The following PRKACB variants were observed in gnomAD, a reference collection of about 807,000 sequenced individuals.
PRKACB encodes the protein cAMP-dependent protein kinase catalytic subunit beta.
A neutral mutation model predicts 51.4 loss-of-function variants in PRKACB; 16 were observed. The observed-to-expected ratio is 0.31, with a 90% CI of 0.21 to 0.47. The LOEUF is 0.47. Among genes scored for constraint, PRKACB ranks in the 20% least tolerant of loss-of-function variants. The pLI is 1.00. For missense variants in PRKACB, 309 were observed against 464.5 expected, an observed-to-expected ratio of 0.67 and a Z score of 3.08; for synonymous variants, 147 against 154.4, an observed-to-expected ratio of 0.95 and a Z score of 0.35.
At chr1:84,139,591 G>A (rs1453511633), upstream of PRKACB, among the ~76,000 whole-genome samples, 1 of 152,158 alleles carries the variant, frequency 6.6e-6, no homozygotes, top group Non-Finnish European at 1.5e-5. Flanking sequence ...AGTAAATGAA[G>A]AGACATGCTA....
Position 84,179,166 on chromosome 1 carries a change from T to C in PRKACB, c.188-11T>C, listed in dbSNP as rs769971832. On this transcript the variant is annotated splice_polypyrimidine_tract_variant and intron_variant, in intron 1 of 9. Coordinates refer to ENST00000370685, the MANE Select transcript of PRKACB (RefSeq NM_182948.4). ...TACAAGATAAATTTGTTTTTATATG[T>C]ATATTTTCAGTGAAAGAGTTTCTAG... is the stretch of plus-strand genomic sequence containing the variant. 15 of 1,583,634 alleles carry C rather than the reference T, an allele frequency of 9.5e-6. No homozygotes were observed. Among genetic ancestry groups the C allele is most frequent in the Non-Finnish European group, 1.3e-5 (15 of 1,164,442 alleles).
At position 84,236,181 on chromosome 1, in the gene PRKACB, T is replaced by A. The variant is rs778570616; in HGVS notation, c.*876T>A. On this transcript the variant is annotated 3_prime_UTR_variant, in exon 10 of 10. Transcript: ENST00000370685. ...TAGCCAGTATTTTAATAGAACATGATTAATGAAAGTGACAAATTTTAAATT... is the reference window on the plus strand; with the variant it reads ...TAGCCAGTATTTTAATAGAACATGAATAATGAAAGTGACAAATTTTAAATT... 43 of 152,618 alleles carry A rather than the reference T, an allele frequency of 2.8e-4. No homozygotes were observed. The highest frequency in any genetic ancestry group is 5.9e-4 in the Admixed American group (9 of 15,278). The allele number at this position is 152,618 out of a possible 1,614,324, so 9.5% of individuals were successfully genotyped here.
intron 1 of PRKACB, among the ~76,000 whole-genome samples, chr1:84,083,017 T>G (rs993926266): frequency 6.6e-6 from 1 of 152,246 alleles, no homozygotes; most frequent in African/African-American, 2.4e-5. Flanking sequence ...GTTTAATTTA[T>G]TAACTACAAA....
intron 1 of PRKACB, among the ~76,000 whole-genome samples, chr1:84,151,154 C>A (rs1424137404): frequency 1.3e-5 from 2 of 152,162 alleles, no homozygotes; most frequent in Admixed American, 1.3e-4. Context: ...CAGACCACCA[C>A]AATACAACTA....
rs578134608 is a variant in PRKACB at position 84,137,078 on chromosome 1, T to G, written c.47-42099T>G. 2.0e-5 allele frequency among the ~76,000 whole-genome samples: 3 copies of G among 152,244 alleles called. No individual in the cohort carries two copies. In the East Asian group the frequency reaches 5.8e-4, roughly 29 times the overall value. On this transcript the variant is annotated intron_variant, in intron 1 of 8. Transcript: ENST00000370688. The stretch of plus-strand genomic sequence containing the variant: ...GTTCCTCTTCACCTTCTGGGGTGAT[T>G]GTAAGTTTCCCGAGGCCTACCCAGC...
intron 7 of PRKACB, among the ~76,000 whole-genome samples, 199 bp downstream of exon 7, chr1:84,198,023 C>T (rs1243810370): frequency 6.6e-6 from 1 of 152,042 alleles, no homozygotes; most frequent in African/African-American, 2.4e-5. Context: ...TCAATTTTAA[C>T]TCTGGGTCTT....
At chr1:84,167,513 C>G (rs1432468414) in intron 1 of PRKACB, among the ~76,000 whole-genome samples, 1 of 151,372 alleles carries the variant, frequency 6.6e-6, no homozygotes, top group East Asian at 1.9e-4. Context: ...CTCTGTACTC[C>G]CAAAGCAAAC....
At chr1:84,143,222 T>G (rs1032462343), upstream of PRKACB, among the ~76,000 whole-genome samples, 5 of 152,070 alleles carry the variant, frequency 3.3e-5, no homozygotes, top group Non-Finnish European at 7.4e-5. Flanking sequence ...AAGGCGGGCG[T>G]ATCGCTTGAG....
intron 9 of PRKACB, 56 bp from the exon 10 acceptor site, chr1:84,235,124 A>G: frequency 6.5e-7 from 1 of 1,544,642 alleles, no homozygotes; most frequent in Non-Finnish European, 8.8e-7. Context: ...GGTGTTTGGA[A>G]ACTCTCAGGA....
At chr1:84,196,049 T>A (rs688778) in intron 5 of PRKACB, among the ~76,000 whole-genome samples, 152,180 of 152,368 alleles carry the variant, frequency 1, 75,996 homozygotes, top group Middle Eastern at 1. Flanking sequence ...TCTGAATAGG[T>A]TTATGAGTAT....
chr1:84,137,283 G>C (rs755281007), intron 1 of PRKACB, among the ~76,000 whole-genome samples: 9 of 152,118 alleles, frequency 5.9e-5, no homozygotes, highest in Non-Finnish European at 1.3e-4. Flanking sequence ...ATATTACTAA[G>C]TGATAAAAAC....
chr1:84,134,041 A>G (rs868207171), intron 1 of PRKACB, among the ~76,000 whole-genome samples: 6 of 152,308 alleles, frequency 3.9e-5, no homozygotes, highest in Non-Finnish European at 5.9e-5. Flanking sequence ...GGAGCTGGAA[A>G]GAGGATGGAG....
At position 84,182,409 on chromosome 1, in the gene PRKACB, A is replaced by G. The variant is rs1663801451; in HGVS notation, c.378+81A>G. On this transcript the variant is annotated intron_variant, in intron 3 of 9. Transcript: ENST00000370685. Reference sequence around the variant, plus strand: ...ACTATTAAACAGATTCAGTATAATGACTTACCATTGACAGCTTCAAATAAT... The same window carrying G: ...ACTATTAAACAGATTCAGTATAATGGCTTACCATTGACAGCTTCAAATAAT... 3 of 1,109,286 alleles carry G rather than the reference A, an allele frequency of 2.7e-6. No individual in the cohort carries two copies. In the African/African-American group the frequency reaches 4.9e-5, roughly 18 times the overall value. The allele number at this position is 1,109,286 out of a possible 1,614,324, so 68.7% of individuals were successfully genotyped here.
intron 1 of PRKACB, among the ~76,000 whole-genome samples, chr1:84,109,836 TGAA>T (rs1325142261): frequency 6.6e-6 from 1 of 152,002 alleles, no homozygotes; most frequent in Non-Finnish European, 1.5e-5. Flanking sequence ...ATATTTCTAT[TGAA>T]GTATATGTGA....
chr1:84,168,655 G>C (rs569890106), intron 1 of PRKACB, among the ~76,000 whole-genome samples: 3 of 151,590 alleles, frequency 2.0e-5, no homozygotes, highest in Admixed American at 6.6e-5. Flanking sequence ...ACAGGATTTT[G>C]ATGATCAGAC....
At chr1:84,145,930 A>G (rs1007615905) in intron 1 of PRKACB, among the ~76,000 whole-genome samples, 5 of 152,016 alleles carry the variant, frequency 3.3e-5, no homozygotes, top group Non-Finnish European at 5.9e-5. Flanking sequence ...TTTCTGTTTC[A>G]TTAATACCTG....
At chr1:84,141,323 G>A (rs1218902398), upstream of PRKACB, among the ~76,000 whole-genome samples, 1 of 151,898 alleles carries the variant, frequency 6.6e-6, no homozygotes, top group African/African-American at 2.4e-5. Flanking sequence ...CAGTTATGAA[G>A]GAATTCATAG....
At chr1:84,133,065 C>T (rs1239108940) in intron 1 of PRKACB, among the ~76,000 whole-genome samples, 27 of 151,738 alleles carry the variant, frequency 1.8e-4, no homozygotes, top group Admixed American at 1.6e-3. Context: ...GTAAGTAAAC[C>T]GTGCACATTA....
At chr1:84,086,319 C>A in intron 1 of PRKACB, 1 of 849,106 alleles carries the variant, frequency 1.2e-6, no homozygotes. Context: ...CTGTCTGGCC[C>A]CTGGGGCCCA....
Sources: gnomAD v4.1 joint callset for allele counts (sites outside exome capture counted in the v4.1 genomes callset) on GRCh38, gnomAD v4.1.1 for gene constraint, MANE v1.5 for transcripts, NCBI Gene and HGNC (gene_info 2026-07-23, HGNC 2026-07-21) for gene names.